Variants in ABAT observed in about 807,000 individuals in gnomAD.
ABAT encodes 4-aminobutyrate aminotransferase.
A neutral mutation model predicts 64.6 loss-of-function variants in ABAT; 45 were observed. That is an observed-to-expected ratio of 0.70 (90% CI 0.55 to 0.89). The LOEUF (loss-of-function observed/expected upper bound fraction) is 0.89. Among genes scored for constraint, ABAT ranks in the 40% least tolerant of loss-of-function variants. The pLI is 0.00. For missense variants in ABAT, 633 were observed against 658.4 expected, an observed-to-expected ratio of 0.96 and a Z score of 0.42; for synonymous variants, 297 against 250.5, an observed-to-expected ratio of 1.19 and a Z score of -1.75.
In ABAT at chr16:8,738,634, T is replaced by TTTTTG. The variant is rs1362725790; in HGVS notation, c.70+2826_70+2830dup. On this transcript the variant is annotated intron_variant, in intron 2 of 15. Coordinates refer to ENST00000268251, the MANE Select transcript of ABAT (RefSeq NM_020686.6). ...TGTTTTTGTTTTTGTTTTTGTTTTT[T>TTTTTG]TTTTGGTGTGTGTGTATGTGTGTCT... 3.2e-3 allele frequency among the ~76,000 whole-genome samples: 469 copies of TTTTTG among 148,528 alleles called. 7 individuals carry two copies. Among genetic ancestry groups the TTTTTG allele is most frequent in the Middle Eastern group, 6.8e-3 (2 of 292 alleles).
chr16:8,715,575 A>G (rs1273389), intron 1 of ABAT: 11,594 of 148,652 alleles, frequency 0.078, 599 homozygotes, highest in Middle Eastern at 0.19. Context: ...GCAGTGAGCC[A>G]TGAGCCATGA....
At chr16:8,676,645 A>G (rs2057209526) in intron 1 of ABAT, among the ~76,000 whole-genome samples, 1 of 152,210 alleles carries the variant, frequency 6.6e-6, no homozygotes, top group Non-Finnish European at 1.5e-5. Flanking sequence ...CTGACCCAGG[A>G]TAGCTAATAA....
intron 4 of ABAT, among the ~76,000 whole-genome samples, chr16:8,748,370 A>G (rs995106303): frequency 2.0e-5 from 3 of 152,146 alleles, no homozygotes; most frequent in African/African-American, 7.2e-5. Flanking sequence ...ATTGATTTCT[A>G]GTTTCATTCC....
At chr16:8,748,686 G>GC (rs58944916) in intron 4 of ABAT, among the ~76,000 whole-genome samples, 150,915 of 152,310 alleles carry the variant, frequency 0.99, 74,778 homozygotes, top group Middle Eastern at 1. Context: ...TTCTGTTTTT[G>GC]TCTGTGTATT....
chr16:8,679,293 T>C (rs958925290), intron 1 of ABAT, among the ~76,000 whole-genome samples: 1 of 152,188 alleles, frequency 6.6e-6, no homozygotes, highest in Admixed American at 6.5e-5. Flanking sequence ...AGTTTGCTGA[T>C]AGTTACGGGG....
chr16:8,699,552 C>T (rs540807586), intron 1 of ABAT, among the ~76,000 whole-genome samples: 6 of 151,988 alleles, frequency 3.9e-5, no homozygotes, highest in African/African-American at 1.4e-4. Flanking sequence ...ACTGAGACTC[C>T]GTCTCAAAAA....
chr16:8,718,654 C>T lies in ABAT; in HGVS notation c.-41-17045C>T, dbSNP rs539343990. 1.1e-3 allele frequency among the ~76,000 whole-genome samples: 166 copies of T among 152,300 alleles called. 1 individual carries two copies. The highest frequency in any genetic ancestry group is 3.9e-3 in the African/African-American group (164 of 41,570). The stretch of plus-strand genomic sequence containing the variant: ...AGGTCCCCTGAGCCAGCCCCTGCCT[C>T]TGGGAAGATGACCCCTAAATGGCAG... On this transcript the variant is annotated intron_variant, in intron 1 of 15. Coordinates refer to ENST00000268251, the MANE Select transcript of ABAT (RefSeq NM_020686.6).
intron 1 of ABAT, among the ~76,000 whole-genome samples, chr16:8,702,532 C>A (rs145384177): frequency 0.029 from 4,403 of 152,212 alleles, 100 homozygotes; most frequent in South Asian, 0.1. Flanking sequence ...GGATTATAGG[C>A]GGGAGCCACT....
intron 2 of ABAT, among the ~76,000 whole-genome samples, chr16:8,744,022 T>G (rs2059258960): frequency 6.6e-6 from 1 of 152,128 alleles, no homozygotes; most frequent in South Asian, 2.1e-4. Context: ...CAGCAACATG[T>G]GGAGCTAAAA....
chr16:8,748,086 C>T, intron 3 of ABAT, 22 bp from the exon 4 acceptor site: 1 of 1,612,060 alleles, frequency 6.2e-7, no homozygotes, highest in Non-Finnish European at 8.5e-7. Flanking sequence ...TGCTATAATG[C>T]TTTTGTTGTT....
chr16:8,738,017 G>GAAAGAAAGAA (rs2059030286), intron 2 of ABAT, among the ~76,000 whole-genome samples: 1 of 34,972 alleles, frequency 2.9e-5, no homozygotes, highest in African/African-American at 1.5e-4. Flanking sequence ...AGAAAGAAAG[G>GAAAGAAAGAA]AAAGAAAGAA....
chr16:8,760,807 G>T (rs1386081368), intron 6 of ABAT, among the ~76,000 whole-genome samples: 1 of 152,222 alleles, frequency 6.6e-6, no homozygotes, highest in Non-Finnish European at 1.5e-5. Flanking sequence ...GCATGTGGTG[G>T]CTCACGCCTG....
chr16:8,722,399 C>A (rs1375305283), intron 1 of ABAT, among the ~76,000 whole-genome samples: 1 of 152,208 alleles, frequency 6.6e-6, no homozygotes, highest in African/African-American at 2.4e-5. Context: ...TCTGCCTCGG[C>A]ATCCCAAAAT....
Position 8,783,475 on chromosome 16 carries a change from G to A in ABAT, c.*2045G>A, listed in dbSNP as rs957995238. Reference sequence around the variant, plus strand: ...TCATTGGAGCAGTGTTTTGCAGAATGAGCCAGAGTTCACCAAGCAGGCAAG... The same window carrying A: ...TCATTGGAGCAGTGTTTTGCAGAATAAGCCAGAGTTCACCAAGCAGGCAAG... On this transcript the variant is annotated 3_prime_UTR_variant, in exon 16 of 16. Coordinates refer to ENST00000268251, the MANE Select transcript of ABAT (RefSeq NM_020686.6). 6.6e-6 allele frequency: 1 copy of A among 152,274 alleles called. No homozygotes were observed. Among genetic ancestry groups the A allele is most frequent in the East Asian group, 1.9e-4 (1 of 5,184 alleles). The allele number at this position is 152,274 out of a possible 1,614,324, so 9.4% of individuals were successfully genotyped here. A position where few individuals can be genotyped will look rare whatever the true frequency, so the allele number is the denominator to read the frequency against.
chr16:8,717,589 C>G (rs1051122160), intron 1 of ABAT, among the ~76,000 whole-genome samples: 1 of 152,158 alleles, frequency 6.6e-6, no homozygotes, highest in South Asian at 2.1e-4. Context: ...CACACTGGCC[C>G]TGGTGCTGTA....
intron 1 of ABAT, among the ~76,000 whole-genome samples, chr16:8,685,366 C>G (rs2057430036): frequency 6.6e-6 from 1 of 151,678 alleles, no homozygotes; most frequent in Non-Finnish European, 1.5e-5. Flanking sequence ...GTGCATAACT[C>G]TTTTTCTATA....
At chr16:8,726,805 C>G (rs796140692) in intron 1 of ABAT, among the ~76,000 whole-genome samples, 13 of 152,314 alleles carry the variant, frequency 8.5e-5, no homozygotes, top group African/African-American at 3.1e-4. Context: ...TACATTCCCA[C>G]TAACAATGTA....
At chr16:8,769,271 G>A (rs1177014160) in intron 11 of ABAT, among the ~76,000 whole-genome samples, 1 of 152,144 alleles carries the variant, frequency 6.6e-6, no homozygotes, top group South Asian at 2.1e-4. Context: ...AAACAGATCA[G>A]TTGAAAGAAT....
At chr16:8,736,395 G>A (rs994645233) in intron 2 of ABAT, 1 of 160,188 alleles carries the variant, frequency 6.2e-6, no homozygotes, top group Non-Finnish European at 1.4e-5. Context: ...TCGGTCTGAT[G>A]GGATTGGATC....
Sources: gnomAD v4.1 joint callset for allele counts (sites outside exome capture counted in the v4.1 genomes callset) on GRCh38, gnomAD v4.1.1 for gene constraint, MANE v1.5 for transcripts, NCBI Gene and HGNC (gene_info 2026-07-23, HGNC 2026-07-21) for gene names.